The following GARNL3 variants were observed in gnomAD, a reference collection of about 807,000 sequenced individuals.
The protein encoded by GARNL3 is GTPase activating Rap/RanGAP domain like 3, also known as GTPase-activating Rap/Ran-GAP domain-like protein 3.
In GARNL3, 63 loss-of-function variants were observed where a neutral mutation model predicts 125.0. That is an observed-to-expected ratio of 0.50 (90% CI 0.41 to 0.62). The LOEUF (loss-of-function observed/expected upper bound fraction) is 0.62. Ranked by LOEUF, GARNL3 falls within the 20% of genes least tolerant of loss-of-function variation. The pLI is 0.00. For synonymous variants in GARNL3, 439 were observed against 457.5 expected, an observed-to-expected ratio of 0.96 and a Z score of 0.52; for missense variants, 994 against 1,244.0, an observed-to-expected ratio of 0.80 and a Z score of 3.02.
intron 21 of GARNL3, chr9:127,362,235 ATTTTTTT>A (rs34575595): frequency 7.0e-6 from 1 of 142,586 alleles, no homozygotes; most frequent in South Asian, 2.2e-4. Flanking sequence ...CACCCGACTA[ATTTTTTT>A]TTTTTTTTGT....
At position 127,387,177 on chromosome 9, in the gene GARNL3, C is replaced by T. The variant is rs2131831658; in HGVS notation, c.2389-16C>T. The T allele has an allele frequency of 1.9e-6, 3 of 1,608,010 alleles. No homozygotes were observed. The East Asian group carries it at 6.7e-5, about 36-fold the overall frequency. The stretch of plus-strand genomic sequence containing the variant: ...GAACACCAGGCAGCCCGGTAATGCT[C>T]TCTCTTCCTTTCTAGTCGGATATAT... On this transcript the variant is annotated splice_polypyrimidine_tract_variant and intron_variant, in intron 24 of 27. Coordinates refer to ENST00000373387, the MANE Select transcript of GARNL3 (RefSeq NM_032293.5).
In GARNL3 at chr9:127,387,178, T is replaced by G; in HGVS notation, c.2389-15T>G. Reference sequence around the variant, plus strand: ...AACACCAGGCAGCCCGGTAATGCTCTCTCTTCCTTTCTAGTCGGATATATA... The same window carrying G: ...AACACCAGGCAGCCCGGTAATGCTCGCTCTTCCTTTCTAGTCGGATATATA... On this transcript the variant is annotated splice_polypyrimidine_tract_variant and intron_variant, in intron 24 of 27. Coordinates refer to ENST00000373387, the MANE Select transcript of GARNL3 (RefSeq NM_032293.5). 6.2e-7 allele frequency: 1 copy of G among 1,608,232 alleles called. No individual in the cohort carries two copies. The highest frequency in any genetic ancestry group is 2.2e-5 in the East Asian group (1 of 44,774).
rs568302799 is a variant in GARNL3 at position 127,364,836 on chromosome 9, G to A, written c.2095-464G>A. ...CATTAGTTCAGATGTTGGCTGTGGC[G>A]TGTACCAGTCAAGGGACTTAAGTGA... On this transcript the variant is annotated intron_variant, in intron 21 of 27. Transcript: ENST00000373387. This position sits in a 1 kb window ranked among gnomAD's most constrained non-coding sequence, Gnocchi z 4.2. 101 of 162,210 alleles carry A rather than the reference G, an allele frequency of 6.2e-4. No homozygotes were observed. Among genetic ancestry groups the A allele is most frequent in the African/African-American group, 2.3e-3 (94 of 41,622 alleles). 10.0% of individuals were successfully genotyped at this position (162,210 alleles called of 1,614,324 possible).
intron 2 of GARNL3, among the ~76,000 whole-genome samples, chr9:127,253,494 A>T (rs1012654472): frequency 1.3e-5 from 2 of 152,214 alleles, no homozygotes; most frequent in African/African-American, 4.8e-5. Context: ...CAGGGAACCC[A>T]TTGTGAAGCT....
At chr9:127,264,761 C>T (rs1458214763), upstream of GARNL3, 3 of 1,276,962 alleles carry the variant, frequency 2.3e-6, no homozygotes, top group African/African-American at 3.1e-5. Context: ...TTATTGAGGG[C>T]TCCATGAAAG....
At chr9:127,281,256 A>T (rs1385046435) in intron 1 of GARNL3, among the ~76,000 whole-genome samples, 1 of 152,180 alleles carries the variant, frequency 6.6e-6, no homozygotes, top group Non-Finnish European at 1.5e-5. Flanking sequence ...GGAGTTAGGA[A>T]TGGATGGCAG....
intron 16 of GARNL3, among the ~76,000 whole-genome samples, chr9:127,345,731 C>T (rs1564162663): frequency 6.6e-6 from 1 of 152,216 alleles, no homozygotes; most frequent in Non-Finnish European, 1.5e-5. Flanking sequence ...CAGGCCAGGC[C>T]CCACAGGGCC....
At chr9:127,277,638 C>T (rs111977531) in intron 1 of GARNL3, among the ~76,000 whole-genome samples, 2 of 152,004 alleles carry the variant, frequency 1.3e-5, no homozygotes, top group African/African-American at 2.4e-5. Context: ...CAGTCTTGCT[C>T]CAACCTATCT....
intron 4 of GARNL3, among the ~76,000 whole-genome samples, chr9:127,315,158 A>G (rs2065205829): frequency 6.6e-6 from 1 of 152,180 alleles, no homozygotes; most frequent in Non-Finnish European, 1.5e-5. Context: ...TCAGCTGTTG[A>G]TGGAAGTGCT....
intron 1 of GARNL3, among the ~76,000 whole-genome samples, chr9:127,285,658 GT>G (rs2064231068): frequency 6.6e-6 from 1 of 152,026 alleles, no homozygotes; most frequent in Non-Finnish European, 1.5e-5. Flanking sequence ...AGTTATAATA[GT>G]TTTTGTTTTA....
At position 127,385,198 on chromosome 9, in the gene GARNL3, T is replaced by C; in HGVS notation, c.2388+53T>C. On this transcript the variant is annotated intron_variant, in intron 24 of 27. Coordinates refer to ENST00000373387, the MANE Select transcript of GARNL3 (RefSeq NM_032293.5). The surrounding 1 kb of genome is among the most constrained non-coding windows in gnomAD (Gnocchi z 4.1). ...AGTGGTTTGGGGGACCCCGGCACTG[T>C]GGGATTTCAGGTGAGCACAGAAGCC... 1 of 1,167,428 alleles carries C rather than the reference T, an allele frequency of 8.6e-7. No homozygotes were observed. Among genetic ancestry groups the C allele is most frequent in the South Asian group, 1.4e-5 (1 of 69,810 alleles). 72.3% of individuals were successfully genotyped at this position (1,167,428 alleles called of 1,614,324 possible).
chr9:127,261,523 G>A (rs957753063), upstream of GARNL3, among the ~76,000 whole-genome samples: 1 of 147,792 alleles, frequency 6.8e-6, no homozygotes, highest in African/African-American at 2.5e-5. Flanking sequence ...TGATTCTCCT[G>A]CCTCAACCTC....
chr9:127,383,629 C>G lies in GARNL3; in HGVS notation c.2269+84C>G, dbSNP rs1037330343. 21 of 797,164 alleles carry G rather than the reference C, an allele frequency of 2.6e-5. No individual in the cohort carries two copies. The Admixed American group carries it at 4.5e-4, about 17-fold the overall frequency. 49.4% of individuals were successfully genotyped at this position (797,164 alleles called of 1,614,324 possible). A position where few individuals can be genotyped will look rare whatever the true frequency, so the allele number is the denominator to read the frequency against. On this transcript the variant is annotated intron_variant, in intron 23 of 27. Transcript: ENST00000373387. ...AAGCAAATCCTATGTAAGCAAATCA[C>G]TGGCTTACTGCGAAATTGCTATAAA... is the stretch of plus-strand genomic sequence containing the variant.
chr9:127,346,271 G>C (rs996652787), intron 16 of GARNL3, among the ~76,000 whole-genome samples: 6 of 152,202 alleles, frequency 3.9e-5, no homozygotes, highest in Non-Finnish European at 8.8e-5. Flanking sequence ...AAATGGGACA[G>C]ATTTACAGCA....
chr9:127,314,050 T>A (rs2065166909), intron 4 of GARNL3, among the ~76,000 whole-genome samples: 1 of 152,180 alleles, frequency 6.6e-6, no homozygotes, highest in African/African-American at 2.4e-5. Context: ...TATAGTTGAT[T>A]CCTCTGGCTC....
In GARNL3 at chr9:127,231,035, C is replaced by CATAT. The variant is rs200926096; in HGVS notation, c.-29+6710_-29+6713dup. On this transcript the variant is annotated intron_variant, in intron 1 of 10. Transcript: ENST00000439286. ...GTATATATACATATATGTATATATA[C>CATAT]ATATATATATATATATTTTTTTTTT... Among the ~76,000 whole-genome samples, 281 of 55,818 alleles carry CATAT rather than the reference C, an allele frequency of 5.0e-3. 14 individuals carry two copies. Among genetic ancestry groups the CATAT allele is most frequent in the African/African-American group, 0.018 (209 of 11,534 alleles). The allele number at this position is 55,818 out of a possible 152,430, so 36.6% of individuals were successfully genotyped here.
intron 11 of GARNL3, 48 bp from the exon 12 acceptor site, chr9:127,338,064 TGTCA>T: frequency 7.5e-7 from 1 of 1,338,016 alleles, no homozygotes; most frequent in Non-Finnish European, 1.1e-6. Flanking sequence ...GAGCGCAAGC[TGTCA>T]GTCGTGAGCA....
intron 18 of GARNL3, 27 bp from the exon 19 acceptor site, chr9:127,354,267 C>T (rs753802797): frequency 9.0e-6 from 14 of 1,558,418 alleles, no homozygotes; most frequent in Non-Finnish European, 1.2e-5. Flanking sequence ...CATTTAATCT[C>T]CTCCTCTGTC....
At chr9:127,390,095 T>C (rs1262888694) in intron 26 of GARNL3, among the ~76,000 whole-genome samples, 3 of 152,126 alleles carry the variant, frequency 2.0e-5, no homozygotes, top group African/African-American at 4.8e-5. Flanking sequence ...TTTGAAAACT[T>C]AGACTGGGAC....
Sources: allele counts gnomAD v4.1 joint callset (sites outside exome capture counted in the v4.1 genomes callset), GRCh38; gene constraint gnomAD v4.1.1; non-coding constraint Gnocchi (gnomAD v3.1); transcripts MANE v1.5; gene names NCBI Gene and HGNC (gene_info 2026-07-23, HGNC 2026-07-21).